AFG2A: variants seen among roughly 807,000 people sequenced by gnomAD.
AFG2A encodes the protein ATPase family gene 2 protein homolog A.
chr4:123,268,421 T>C, the AFG2A span, among the ~76,000 whole-genome samples: 2,018 of 152,032 alleles, frequency 0.013, 48 homozygotes, highest in African/African-American at 0.046. Context: ...CTAATAGAGG[T>C]CTCAGAAGGA....
chr4:123,172,252 C>T, the AFG2A span, among the ~76,000 whole-genome samples: 3 of 152,178 alleles, frequency 2.0e-5, no homozygotes, highest in Admixed American at 6.5e-5. Context: ...TGTCAGCATT[C>T]ATCCTAACAC....
chr4:122,981,294 C>T, the AFG2A span, among the ~76,000 whole-genome samples: 1 of 152,038 alleles, frequency 6.6e-6, no homozygotes, highest in African/African-American at 2.4e-5. Flanking sequence ...TTCGTCATTG[C>T]GTGTTCTTCG....
the AFG2A span, among the ~76,000 whole-genome samples, chr4:123,179,686 G>A: frequency 1.3e-5 from 2 of 152,080 alleles, no homozygotes; most frequent in African/African-American, 4.8e-5. Flanking sequence ...CTTTAAGTGG[G>A]ACTTTATTTA....
the AFG2A span, among the ~76,000 whole-genome samples, chr4:123,095,122 C>G: frequency 2.7e-5 from 4 of 146,864 alleles, no homozygotes; most frequent in Admixed American, 2.8e-4. Context: ...ACTTTCCTCA[C>G]ATCCCTCTTT....
the AFG2A span, among the ~76,000 whole-genome samples, chr4:123,026,138 T>A: frequency 6.6e-6 from 1 of 150,376 alleles, no homozygotes; most frequent in Admixed American, 6.6e-5. Flanking sequence ...TGTGTGTGTA[T>A]GTGTGTCTGT....
the AFG2A span, among the ~76,000 whole-genome samples, chr4:123,200,226 TGA>T: frequency 6.6e-6 from 1 of 152,202 alleles, no homozygotes; most frequent in Non-Finnish European, 1.5e-5. Flanking sequence ...CTGAATAAAC[TGA>T]ATATGTAAAA....
the AFG2A span, among the ~76,000 whole-genome samples, chr4:123,027,141 T>C: frequency 6.6e-6 from 1 of 152,188 alleles, no homozygotes; most frequent in Admixed American, 6.5e-5. Flanking sequence ...CTGATATTTA[T>C]GTCATTAATT....
the AFG2A span, among the ~76,000 whole-genome samples, chr4:123,309,007 G>A: frequency 2.6e-5 from 4 of 151,984 alleles, no homozygotes; most frequent in South Asian, 2.1e-4. Context: ...TCCTCCACCC[G>A]CTTCCTTTTT....
the AFG2A span, among the ~76,000 whole-genome samples, chr4:122,988,244 A>G: frequency 6.6e-6 from 1 of 150,908 alleles, no homozygotes; most frequent in Non-Finnish European, 1.5e-5. Flanking sequence ...TGATTATAAC[A>G]TATCTTGGTG....
the AFG2A span, among the ~76,000 whole-genome samples, chr4:123,071,047 T>C: frequency 6.6e-6 from 1 of 152,370 alleles, no homozygotes. Flanking sequence ...AAGTTTGAAC[T>C]GACATATTAA....
chr4:123,089,776 C>T, the AFG2A span, among the ~76,000 whole-genome samples: 2 of 151,926 alleles, frequency 1.3e-5, no homozygotes, highest in Admixed American at 6.6e-5. Flanking sequence ...TTAGTAGAGA[C>T]GGGGTTTCGC....
At chr4:123,047,194 T>C in the AFG2A span, among the ~76,000 whole-genome samples, 1 of 152,212 alleles carries the variant, frequency 6.6e-6, no homozygotes, top group Non-Finnish European at 1.5e-5. Context: ...TAAATGGCTA[T>C]ACTAATTTAC....
the AFG2A span, among the ~76,000 whole-genome samples, chr4:123,023,754 C>T: frequency 2.6e-5 from 4 of 152,056 alleles, no homozygotes; most frequent in South Asian, 6.2e-4. Flanking sequence ...AGATGGCAGC[C>T]TCCGAGCCGG....
chr4:123,090,042 C>A, the AFG2A span, among the ~76,000 whole-genome samples: 1 of 152,096 alleles, frequency 6.6e-6, no homozygotes, highest in Non-Finnish European at 1.5e-5. Flanking sequence ...CTCAAGAAAT[C>A]GGGATTGTGG....
At chr4:123,176,062 A>G in the AFG2A span, among the ~76,000 whole-genome samples, 151,160 of 152,330 alleles carry the variant, frequency 0.99, 74,998 homozygotes, top group Middle Eastern at 1. Context: ...CAGAGACAAC[A>G]CCATGATTGA....
the AFG2A span, among the ~76,000 whole-genome samples, chr4:123,103,609 A>G: frequency 6.6e-6 from 1 of 152,140 alleles, no homozygotes; most frequent in Non-Finnish European, 1.5e-5. Context: ...TTTCTTACAT[A>G]TAGTTAAATA....
chr4:122,981,507 A>T, the AFG2A span, among the ~76,000 whole-genome samples: 1 of 141,348 alleles, frequency 7.1e-6, no homozygotes, highest in Non-Finnish European at 1.5e-5. Context: ...CTATATGGTG[A>T]CTTTTATGTT....
the AFG2A span, among the ~76,000 whole-genome samples, chr4:123,057,602 A>G: frequency 1.3e-5 from 2 of 152,208 alleles, no homozygotes; most frequent in African/African-American, 4.8e-5. Context: ...TAAACATATA[A>G]TTAAAACTGT....
chr4:123,205,010 C>G, the AFG2A span, among the ~76,000 whole-genome samples: 5 of 152,206 alleles, frequency 3.3e-5, no homozygotes, highest in Non-Finnish European at 7.3e-5. Flanking sequence ...TACCAACTCT[C>G]TACCAGTGAG....
Sources: gnomAD v4.1 joint callset for allele counts (sites outside exome capture counted in the v4.1 genomes callset) on GRCh38, gnomAD v4.1.1 for gene constraint, MANE v1.5 for transcripts, NCBI Gene and HGNC (gene_info 2026-07-23, HGNC 2026-07-21) for gene names.